The following ADD3 variants were observed in gnomAD, a reference collection of about 807,000 sequenced individuals.
ADD3 encodes the protein gamma-adducin.
A neutral mutation model predicts 80.2 loss-of-function variants in ADD3; 25 were observed. The ratio of observed to expected loss-of-function variants is 0.31; its 90% CI spans 0.23 to 0.44. ADD3 has a LOEUF of 0.44. ADD3 is among the 20% of genes least tolerant of loss of function. The pLI, the probability that ADD3 is intolerant of heterozygous loss-of-function variation, is 1.00. For missense variants in ADD3, 829 were observed against 847.5 expected, an observed-to-expected ratio of 0.98 and a Z score of 0.27; for synonymous variants, 284 against 289.6, an observed-to-expected ratio of 0.98 and a Z score of 0.20.
intron 2 of ADD3, among the ~76,000 whole-genome samples, chr10:110,109,953 G>A (rs147326709): frequency 6.6e-6 from 1 of 152,142 alleles, no homozygotes; most frequent in Admixed American, 6.5e-5. Flanking sequence ...TTACAAGACA[G>A]TTTTTCTGAT....
At chr10:110,118,834 A>G (rs1293967583) in intron 6 of ADD3, 98 bp downstream of exon 6, 10 of 1,241,948 alleles carry the variant, frequency 8.1e-6, no homozygotes, top group East Asian at 2.5e-5. Context: ...TTTCAAAATC[A>G]TATTTGATAC....
intron 1 of ADD3, among the ~76,000 whole-genome samples, chr10:110,055,184 A>C (rs1564901340): frequency 2.6e-5 from 4 of 152,368 alleles, no homozygotes; most frequent in South Asian, 4.1e-4. Flanking sequence ...TGATAAAAAC[A>C]TATGGGCAGG....
At chr10:110,010,125 A>G (rs1001592706) in intron 1 of ADD3, among the ~76,000 whole-genome samples, 1 of 90,284 alleles carries the variant, frequency 1.1e-5, no homozygotes, top group African/African-American at 4.4e-5. Context: ...TTGTAAAACC[A>G]GAATGTCTTT....
intron 1 of ADD3, among the ~76,000 whole-genome samples, chr10:110,073,133 G>GTTTTTTTTTT (rs1443878675): frequency 1.9e-5 from 2 of 106,490 alleles, no homozygotes; most frequent in Admixed American, 8.9e-5. Context: ...TTGAGTTTTA[G>GTTTTTTTTTT]TTTTCTTTTT....
At chr10:110,015,296 A>G (rs751805979) in intron 1 of ADD3, among the ~76,000 whole-genome samples, 5 of 152,118 alleles carry the variant, frequency 3.3e-5, no homozygotes, top group Non-Finnish European at 5.9e-5. Context: ...CACATTATCA[A>G]TGAATTAGAA....
intron 1 of ADD3, among the ~76,000 whole-genome samples, chr10:110,069,701 T>G (rs189784622): frequency 6.6e-6 from 1 of 152,228 alleles, no homozygotes; most frequent in Admixed American, 6.5e-5. Context: ...AACATTCTTA[T>G]GCCTCTTTTC....
intron 2 of ADD3, among the ~76,000 whole-genome samples, chr10:110,102,746 C>T (rs1311509960): frequency 6.6e-6 from 1 of 152,070 alleles, no homozygotes; most frequent in Non-Finnish European, 1.5e-5. Context: ...CAAAGAGGAC[C>T]GTTGAATTCT....
intron 2 of ADD3, among the ~76,000 whole-genome samples, chr10:110,102,068 G>A (rs932564891): frequency 6.6e-6 from 1 of 152,118 alleles, no homozygotes; most frequent in South Asian, 2.1e-4. Flanking sequence ...CTCGGTGAAA[G>A]CATTGAAGTA....
At chr10:110,108,773 C>T (rs1321006066) in intron 2 of ADD3, among the ~76,000 whole-genome samples, 1 of 152,022 alleles carries the variant, frequency 6.6e-6, no homozygotes, top group Non-Finnish European at 1.5e-5. Flanking sequence ...AATAAATGTT[C>T]ATGACAAAAT....
At chr10:110,061,387 G>A (rs1438044891) in intron 1 of ADD3, among the ~76,000 whole-genome samples, 2 of 152,116 alleles carry the variant, frequency 1.3e-5, no homozygotes, top group African/African-American at 4.8e-5. Flanking sequence ...TTCTGTGTAT[G>A]TCCCCTTAAT....
chr10:110,002,996 G>C (rs1407863176), upstream of ADD3, among the ~76,000 whole-genome samples: 1 of 152,192 alleles, frequency 6.6e-6, no homozygotes, highest in East Asian at 1.9e-4. Context: ...TGTTCCCCAA[G>C]TACTTTCCAG....
intron 2 of ADD3, among the ~76,000 whole-genome samples, chr10:110,107,425 C>A (rs1366179764): frequency 6.6e-6 from 1 of 151,986 alleles, no homozygotes; most frequent in Non-Finnish European, 1.5e-5. Context: ...AAGTTGTGAT[C>A]AGAGAATGCT....
intron 1 of ADD3, among the ~76,000 whole-genome samples, chr10:110,058,061 A>G (rs764753529): frequency 3.9e-5 from 6 of 152,138 alleles, no homozygotes; most frequent in Admixed American, 2.0e-4. Context: ...AACTCTTACC[A>G]TGAAATATTT....
intron 1 of ADD3, among the ~76,000 whole-genome samples, chr10:110,064,664 A>G (rs1843689641): frequency 6.6e-6 from 1 of 152,216 alleles, no homozygotes; most frequent in Admixed American, 6.5e-5. Context: ...TAAAATGTTA[A>G]CATCCATTCT....
chr10:110,124,442 C>T (rs768600521), intron 10 of ADD3, among the ~76,000 whole-genome samples, 168 bp downstream of exon 10: 3 of 152,114 alleles, frequency 2.0e-5, no homozygotes, highest in South Asian at 2.1e-4. Context: ...GTGCCATACA[C>T]GAATTTTCTC....
intron 1 of ADD3, among the ~76,000 whole-genome samples, chr10:110,074,851 CAGTAGAGTATTTTTATTTA>C (rs1181662880): frequency 6.6e-6 from 1 of 152,136 alleles, no homozygotes; most frequent in African/African-American, 2.4e-5. Flanking sequence ...CTCTGGCACT[CAGTAGAGTATTTTTATTTA>C]AAATCTACAA....
At chr10:110,049,696 G>A (rs550434753) in intron 1 of ADD3, among the ~76,000 whole-genome samples, 2 of 152,234 alleles carry the variant, frequency 1.3e-5, no homozygotes, top group African/African-American at 4.8e-5. Flanking sequence ...GACCATCCTG[G>A]CTAACACGGT....
intron 1 of ADD3, among the ~76,000 whole-genome samples, chr10:110,052,446 C>G (rs559301692): frequency 1.3e-5 from 2 of 152,158 alleles, no homozygotes; most frequent in African/African-American, 4.8e-5. Context: ...CATAGGGGCC[C>G]GAACCCTGTT....
At chr10:110,123,135 G>C (rs1214902858) in intron 9 of ADD3, among the ~76,000 whole-genome samples, 1 of 152,184 alleles carries the variant, frequency 6.6e-6, no homozygotes, top group Non-Finnish European at 1.5e-5. Context: ...CACTTAGGAT[G>C]ATTCCATATC....
Sources: allele counts gnomAD v4.1 joint callset (sites outside exome capture counted in the v4.1 genomes callset), GRCh38; gene constraint gnomAD v4.1.1; transcripts MANE v1.5; gene names NCBI Gene and HGNC (gene_info 2026-07-23, HGNC 2026-07-21).